The following HSF2 variants were observed in gnomAD, a reference collection of about 807,000 sequenced individuals.
HSF2 encodes the protein heat shock factor protein 2.
In HSF2, 21 loss-of-function variants were observed where a neutral mutation model predicts 65.0. That is an observed-to-expected ratio of 0.32 (90% CI 0.23 to 0.47). The LOEUF is 0.47. HSF2 is among the 20% of genes least tolerant of loss of function. HSF2 has a pLI of 1.00. For missense variants in HSF2, 499 were observed against 628.1 expected (o/e 0.79, Z 2.20); for synonymous variants, 225 against 219.1 (o/e 1.03, Z -0.24).
At chr6:122,399,854 C>T (rs1773677196) in intron 1 of HSF2, 24 bp downstream of exon 1, 2 of 1,540,402 alleles carry the variant, frequency 1.3e-6, no homozygotes, top group Non-Finnish European at 1.8e-6. Context: ...ACGGCGGCCT[C>T]TGAACCCCCT....
chr6:122,431,397 A>G (rs756326895), intron 11 of HSF2, 33 bp from the exon 12 acceptor site: 10 of 1,011,366 alleles, frequency 9.9e-6, no homozygotes, highest in South Asian at 2.2e-5. Flanking sequence ...AAAATATGAA[A>G]CAAGTACTTA....
chr6:122,419,258 C>G, intron 6 of HSF2, 29 bp downstream of exon 6: 2 of 1,125,070 alleles, frequency 1.8e-6, no homozygotes, highest in Non-Finnish European at 2.7e-6. Context: ...GTATTATGTC[C>G]TGTATATAGG....
intron 1 of HSF2, among the ~76,000 whole-genome samples, chr6:122,400,722 A>G (rs1286679557): frequency 1.3e-5 from 2 of 152,204 alleles, no homozygotes; most frequent in Non-Finnish European, 2.9e-5. Flanking sequence ...AGGCAGAATG[A>G]TTATTTACAT....
chr6:122,430,621 T>C (rs1305145037), intron 11 of HSF2, among the ~76,000 whole-genome samples: 2 of 152,160 alleles, frequency 1.3e-5, no homozygotes, highest in East Asian at 3.9e-4. Context: ...AGCTTCATTT[T>C]ATGTTAAATA....
Position 122,433,012 on chromosome 6 carries a change from T to C in HSF2, c.*792T>C, listed in dbSNP as rs1236544637. 1 of 152,226 alleles carries C rather than the reference T, an allele frequency of 6.6e-6. No individual in the cohort carries two copies. 9.4% of individuals were successfully genotyped at this position (152,226 alleles called of 1,614,324 possible). A position where few individuals can be genotyped will look rare whatever the true frequency, so the allele number is the denominator to read the frequency against. On this transcript the variant is annotated 3_prime_UTR_variant, in exon 13 of 13. Coordinates refer to ENST00000368455, the MANE Select transcript of HSF2 (RefSeq NM_004506.4). ...GAGGTGACACTCACATGAAACAATT[T>C]TTTCTTCTCATAGGAAGCAGTAGCT...
intron 5 of HSF2, among the ~76,000 whole-genome samples, chr6:122,416,757 A>T (rs1774138107): frequency 6.6e-6 from 1 of 152,220 alleles, no homozygotes; most frequent in Admixed American, 6.5e-5. Flanking sequence ...TTCTCAATGT[A>T]TGCTGTTATT....
At chr6:122,429,828 T>G (rs45592031) in intron 11 of HSF2, among the ~76,000 whole-genome samples, 1 of 152,340 alleles carries the variant, frequency 6.6e-6, no homozygotes, top group East Asian at 1.9e-4. Context: ...ATGTGTATGT[T>G]GAACCAGCCT....
chr6:122,415,663 A>G (rs889097029), intron 4 of HSF2, among the ~76,000 whole-genome samples: 1 of 152,108 alleles, frequency 6.6e-6, no homozygotes, highest in East Asian at 1.9e-4. Flanking sequence ...ATGTAGGCAT[A>G]TGTCTTAAGT....
intron 1 of HSF2, among the ~76,000 whole-genome samples, chr6:122,400,723 T>A (rs1013719387): frequency 6.6e-6 from 1 of 152,226 alleles, no homozygotes; most frequent in Admixed American, 6.5e-5. Flanking sequence ...GGCAGAATGA[T>A]TATTTACATC....
rs1336485632 is a variant in HSF2 at position 122,412,457 on chromosome 6, A to G, written c.178A>G (p.Ser60Gly). The G allele has an allele frequency of 3.1e-6, 5 of 1,609,780 alleles. No individual in the cohort carries two copies. Among genetic ancestry groups the G allele is most frequent in the East Asian group, 2.2e-5 (1 of 44,862 alleles). The change falls in exon 2 of 13, where the codon AGC becomes GGC. Residue 60 changes from serine (S) to glycine (G), a missense_variant. Ser to Gly is a moderately conservative substitution (Grantham distance 56). This residue lies in a region of HSF2 where 150 missense variants were observed against 234.6 expected (regional missense o/e 0.64). Coordinates refer to ENST00000368455, the MANE Select transcript of HSF2 (RefSeq NM_004506.4). ...ATATTTCAAGCACAATAATATGGCAAGCTTTGTGAGGCAACTGAATATGTG... is the reference window on the plus strand; with the variant it reads ...ATATTTCAAGCACAATAATATGGCAGGCTTTGTGAGGCAACTGAATATGTG... ...PKYFKHNNMA[S>G]FVRQLNMYGF...
In HSF2 at chr6:122,412,383, GTT is replaced by G; in HGVS notation, c.107_108del (p.Phe36SerfsTer5). The G allele has an allele frequency of 6.2e-7, 1 of 1,606,114 alleles. No homozygotes were observed. The highest frequency in any genetic ancestry group is 8.5e-7 in the Non-Finnish European group (1 of 1,173,540). ...TTTTTCCCCTTGCAGAATGGCCAAA[GTT>G]TTCTGGTCTTGGATGAGCAACGATT... On this transcript the variant is annotated frameshift_variant, in exon 2 of 13. Transcript: ENST00000368455. LOFTEE classifies it high-confidence loss of function.
At chr6:122,399,948 C>CG (rs1459006842) in intron 1 of HSF2, 118 bp downstream of exon 1, 2 of 791,738 alleles carry the variant, frequency 2.5e-6, no homozygotes, top group Non-Finnish European at 4.2e-6. Context: ...GCCCGCGGTG[C>CG]GGGGCCTTGG....
intron 11 of HSF2, among the ~76,000 whole-genome samples, chr6:122,431,043 A>G (rs1774452976): frequency 6.6e-6 from 1 of 152,186 alleles, no homozygotes; most frequent in Admixed American, 6.5e-5. Flanking sequence ...TACATTTTTT[A>G]AATCAAAACT....
At chr6:122,422,376 G>A in intron 8 of HSF2, 78 bp downstream of exon 8, 2 of 1,031,390 alleles carry the variant, frequency 1.9e-6, no homozygotes, top group Non-Finnish European at 2.9e-6. Flanking sequence ...AAACTACTTT[G>A]TTCTTTGAAA....
At chr6:122,400,688 T>C (rs1356693269) in intron 1 of HSF2, among the ~76,000 whole-genome samples, 1 of 152,230 alleles carries the variant, frequency 6.6e-6, no homozygotes, top group Non-Finnish European at 1.5e-5. Context: ...CCAAGACCTA[T>C]ATCAGTCCCA....
intron 1 of HSF2, among the ~76,000 whole-genome samples, chr6:122,401,311 A>G (rs529406457): frequency 6.6e-6 from 1 of 152,238 alleles, no homozygotes. Flanking sequence ...AAAGTTGACA[A>G]GAAGGATCAG....
intron 1 of HSF2, among the ~76,000 whole-genome samples, chr6:122,400,891 G>C (rs554722299): frequency 2.0e-5 from 3 of 152,284 alleles, no homozygotes; most frequent in South Asian, 2.1e-4. Context: ...ATAGTGCCTG[G>C]CACCTGTTAA....
chr6:122,421,568 C>T (rs901953937), intron 7 of HSF2, among the ~76,000 whole-genome samples: 3 of 150,788 alleles, frequency 2.0e-5, no homozygotes, highest in African/African-American at 7.3e-5. Context: ...CTTTAGTTTG[C>T]TTTACAGGAT....
intron 11 of HSF2, 31 bp from the exon 12 acceptor site, chr6:122,431,399 A>C (rs1262593472): frequency 1.0e-6 from 1 of 1,002,288 alleles, no homozygotes; most frequent in East Asian, 2.9e-5. Context: ...AATATGAAAC[A>C]AGTACTTATA....
Sources: allele counts gnomAD v4.1 joint callset (sites outside exome capture counted in the v4.1 genomes callset), GRCh38; gene constraint gnomAD v4.1.1; regional missense constraint gnomAD v4.1.1; transcripts MANE v1.5; gene names NCBI Gene and HGNC (gene_info 2026-07-23, HGNC 2026-07-21).